The following NALF1 variants were observed in gnomAD, a reference collection of about 807,000 sequenced individuals.
The protein encoded by NALF1 is NALCN channel auxiliary factor 1, also known as family with sequence similarity 155 member A.
NALF1 carries 3 observed loss-of-function variants against 48.4 expected under a neutral mutation model. That is an observed-to-expected ratio of 0.06 (90% CI 0.03 to 0.16). NALF1 has a LOEUF of 0.16. Ranked by LOEUF, NALF1 falls within the 10% of genes least tolerant of loss-of-function variation. The pLI is 1.00. For synonymous variants in NALF1, 262 were observed against 245.7 expected, an observed-to-expected ratio of 1.07 and a Z score of -0.62; for missense variants, 526 against 571.5, an observed-to-expected ratio of 0.92 and a Z score of 0.81.
chr13:107,550,324 A>G (rs1296578297), intron 1 of NALF1, among the ~76,000 whole-genome samples: 2 of 152,128 alleles, frequency 1.3e-5, no homozygotes, highest in Admixed American at 6.5e-5. Context: ...CTGTGCTACT[A>G]GGGCTCCGAT....
chr13:107,353,566 C>T (rs1262120129), intron 1 of NALF1, among the ~76,000 whole-genome samples: 3 of 152,154 alleles, frequency 2.0e-5, no homozygotes, highest in African/African-American at 7.2e-5. Flanking sequence ...TGTCGAAATT[C>T]ATAAGAAGTT....
chr13:107,488,966 T>C (rs1235825818), intron 1 of NALF1, among the ~76,000 whole-genome samples: 1 of 152,130 alleles, frequency 6.6e-6, no homozygotes, highest in Non-Finnish European at 1.5e-5. Context: ...CTAGCATTCC[T>C]ATACACAAAT....
At chr13:107,606,618 G>A (rs974436519) in intron 1 of NALF1, among the ~76,000 whole-genome samples, 5 of 152,042 alleles carry the variant, frequency 3.3e-5, no homozygotes, top group Admixed American at 6.5e-5. Flanking sequence ...CACCTGCCTC[G>A]GCCTTCCAAA....
chr13:107,699,404 T>C (rs1196178367), intron 1 of NALF1, among the ~76,000 whole-genome samples: 1 of 152,076 alleles, frequency 6.6e-6, no homozygotes. Context: ...TTCCATGATA[T>C]AAAACTCAAT....
chr13:107,677,017 C>A (rs150987220), intron 1 of NALF1, among the ~76,000 whole-genome samples: 92 of 149,824 alleles, frequency 6.1e-4, no homozygotes, highest in Middle Eastern at 3.4e-3. Context: ...TATATATGAC[C>A]AGATAGAATA....
At chr13:107,595,860 T>C (rs61965946) in intron 1 of NALF1, among the ~76,000 whole-genome samples, 22,377 of 152,070 alleles carry the variant, frequency 0.15, 2,138 homozygotes, top group Admixed American at 0.2. Context: ...TCTAACACCA[T>C]TTTCTGAAAT....
intron 1 of NALF1, among the ~76,000 whole-genome samples, chr13:107,421,588 C>T (rs1884189345): frequency 6.6e-6 from 1 of 152,142 alleles, no homozygotes; most frequent in African/African-American, 2.4e-5. Flanking sequence ...CTTACCCTGA[C>T]AGTTATCACA....
intron 1 of NALF1, among the ~76,000 whole-genome samples, chr13:107,447,041 C>T (rs990813968): frequency 3.3e-5 from 5 of 152,110 alleles, no homozygotes; most frequent in South Asian, 2.1e-4. Flanking sequence ...AAATGAAGTA[C>T]CGTATTGGGA....
At chr13:107,281,183 A>G (rs958142886) in intron 1 of NALF1, among the ~76,000 whole-genome samples, 1 of 152,198 alleles carries the variant, frequency 6.6e-6, no homozygotes, top group African/African-American at 2.4e-5. Context: ...TGAATTAGAC[A>G]AAAACCATGC....
chr13:107,710,817 A>G (rs1436274893), intron 1 of NALF1, among the ~76,000 whole-genome samples: 1 of 45,098 alleles, frequency 2.2e-5, no homozygotes, highest in Admixed American at 3.1e-4. Context: ...ATATATGTGT[A>G]TATATACACA....
At chr13:107,306,780 G>A (rs1173056055) in intron 1 of NALF1, among the ~76,000 whole-genome samples, 1 of 152,132 alleles carries the variant, frequency 6.6e-6, no homozygotes, top group East Asian at 1.9e-4. Flanking sequence ...CCTGGGCAAC[G>A]TGGTGTGACC....
chr13:107,804,335 A>G (rs1004602051), intron 1 of NALF1, among the ~76,000 whole-genome samples: 5 of 152,278 alleles, frequency 3.3e-5, no homozygotes, highest in East Asian at 1.9e-4. Flanking sequence ...AGACAGAGAG[A>G]AAAAGACAGA....
chr13:107,401,450 TA>T (rs1883806040), intron 1 of NALF1, among the ~76,000 whole-genome samples: 1 of 152,196 alleles, frequency 6.6e-6, no homozygotes, highest in Non-Finnish European at 1.5e-5. Flanking sequence ...TGAAAGGATT[TA>T]ATTTTCTTGC....
intron 2 of NALF1, among the ~76,000 whole-genome samples, chr13:107,187,396 C>A (rs1374792611): frequency 6.6e-6 from 1 of 152,118 alleles, no homozygotes; most frequent in Non-Finnish European, 1.5e-5. Flanking sequence ...GGCTCTTCTA[C>A]ATAATACTCT....
At chr13:107,787,106 C>T (rs148159833) in intron 1 of NALF1, among the ~76,000 whole-genome samples, 1 of 152,200 alleles carries the variant, frequency 6.6e-6, no homozygotes, top group East Asian at 1.9e-4. Flanking sequence ...AATATTAGAT[C>T]TATTATGTAC....
intron 1 of NALF1, among the ~76,000 whole-genome samples, chr13:107,632,582 C>T (rs896907815): frequency 2.6e-5 from 4 of 152,040 alleles, no homozygotes; most frequent in African/African-American, 7.2e-5. Context: ...TAATGGCCTC[C>T]GTATCCTGTC....
Position 107,583,348 on chromosome 13 carries a change from T to C in NALF1, c.915+282334A>G, listed in dbSNP as rs530815817. Reference sequence around the variant, plus strand: ...AAATAATGTTATCAACATTTTTACATTGTCAAACAAGTTAAATTTTTATTC... The same window carrying C: ...AAATAATGTTATCAACATTTTTACACTGTCAAACAAGTTAAATTTTTATTC... On this transcript the variant is annotated intron_variant, in intron 1 of 2. Transcript: ENST00000375915. Among the ~76,000 whole-genome samples, 3 of 152,310 alleles carry C rather than the reference T, an allele frequency of 2.0e-5. No individual in the cohort carries two copies. In the South Asian group the frequency reaches 6.2e-4, roughly 32 times the overall value.
chr13:107,745,554 T>A (rs73603348), intron 1 of NALF1, among the ~76,000 whole-genome samples: 1 of 152,302 alleles, frequency 6.6e-6, no homozygotes, highest in African/African-American at 2.4e-5. Flanking sequence ...AATAAAACAT[T>A]TACAGTGACC....
intron 1 of NALF1, among the ~76,000 whole-genome samples, chr13:107,723,237 A>G (rs1248635392): frequency 6.6e-6 from 1 of 152,140 alleles, no homozygotes; most frequent in African/African-American, 2.4e-5. Flanking sequence ...TTTTCTAGAT[A>G]TCTTTTGCCC....
Sources: gnomAD v4.1 joint callset for allele counts (sites outside exome capture counted in the v4.1 genomes callset) on GRCh38, gnomAD v4.1.1 for gene constraint, MANE v1.5 for transcripts, NCBI Gene and HGNC (gene_info 2026-07-23, HGNC 2026-07-21) for gene names.